XYLT1: variants seen among roughly 807,000 people sequenced by gnomAD.
The protein encoded by XYLT1 is beta-D-xylosyltransferase 1.
A neutral mutation model predicts 91.3 loss-of-function variants in XYLT1; 36 were observed. The observed-to-expected ratio is 0.39, with a 90% CI of 0.30 to 0.52. XYLT1 has a LOEUF of 0.52. XYLT1 is among the 20% of genes least tolerant of loss of function. The pLI is 0.68. For missense variants in XYLT1, 1,242 were observed against 1,284.5 expected (o/e 0.97, Z 0.51); for synonymous variants, 588 against 532.0 (o/e 1.11, Z -1.45).
intron 2 of XYLT1, chr16:17,355,393 C>T (rs909084456): frequency 6.6e-6 from 1 of 152,110 alleles, no homozygotes; most frequent in Non-Finnish European, 1.5e-5. Context: ...CATGGGTTTT[C>T]ATAAGTTTAA....
intron 5 of XYLT1, among the ~76,000 whole-genome samples, chr16:17,184,159 C>T (rs114310670): frequency 2.0e-3 from 291 of 147,342 alleles, no homozygotes; most frequent in African/African-American, 6.9e-3. Context: ...TCTTGGCCAC[C>T]GGAGAAAAAG....
At chr16:17,138,564 T>C in intron 7 of XYLT1, 33 bp from the exon 8 acceptor site, 3 of 1,599,078 alleles carry the variant, frequency 1.9e-6, no homozygotes, top group Non-Finnish European at 2.6e-6. Flanking sequence ...GCCTGAGACC[T>C]CTCCCAGCCT....
chr16:17,415,109 A>C (rs1172859024), intron 1 of XYLT1, among the ~76,000 whole-genome samples: 2 of 152,150 alleles, frequency 1.3e-5, no homozygotes, highest in African/African-American at 4.8e-5. Context: ...CAGAAGGGAA[A>C]ACTGAGGTTC....
chr16:17,192,495 A>C (rs2032336022), intron 5 of XYLT1, among the ~76,000 whole-genome samples: 1 of 152,222 alleles, frequency 6.6e-6, no homozygotes, highest in Admixed American at 6.5e-5. Flanking sequence ...GCCAGGTATA[A>C]TTCCTTGCCT....
intron 2 of XYLT1, among the ~76,000 whole-genome samples, chr16:17,276,230 TG>T (rs1324270956): frequency 6.6e-6 from 1 of 152,220 alleles, no homozygotes; most frequent in Admixed American, 6.5e-5. Context: ...CCCAACCTAC[TG>T]GGGACAGGGG....
chr16:17,292,081 T>TACACACACACACACACACAC (rs10568382), intron 2 of XYLT1, among the ~76,000 whole-genome samples: 149 of 149,076 alleles, frequency 1.0e-3, no homozygotes, highest in African/African-American at 3.6e-3. Flanking sequence ...CACTAAACCA[T>TACACACACACACACACACAC]ACACACACAC....
At chr16:17,442,224 G>C (rs2036540209) in intron 1 of XYLT1, among the ~76,000 whole-genome samples, 1 of 152,182 alleles carries the variant, frequency 6.6e-6, no homozygotes, top group African/African-American at 2.4e-5. Context: ...CATCATACTT[G>C]TATGAGCCAA....
chr16:17,429,559 C>T (rs1236634556), intron 1 of XYLT1, among the ~76,000 whole-genome samples: 2 of 152,128 alleles, frequency 1.3e-5, no homozygotes, highest in African/African-American at 2.4e-5. Flanking sequence ...CTTGATTGGG[C>T]CACGGGGTGC....
chr16:17,383,122 G>C (rs79405656), intron 1 of XYLT1, among the ~76,000 whole-genome samples: 10,774 of 151,772 alleles, frequency 0.071, 541 homozygotes, highest in African/African-American at 0.12. Context: ...GAGAGAGTGA[G>C]AAAGACACAG....
intron 3 of XYLT1, among the ~76,000 whole-genome samples, chr16:17,255,748 C>T (rs940637365): frequency 2.0e-5 from 3 of 152,068 alleles, no homozygotes; most frequent in African/African-American, 7.2e-5. Context: ...TGGCTCATGC[C>T]TGTAATCCCA....
At chr16:17,232,204 T>C (rs1284722259) in intron 3 of XYLT1, among the ~76,000 whole-genome samples, 2 of 139,834 alleles carry the variant, frequency 1.4e-5, no homozygotes, top group African/African-American at 5.3e-5. Context: ...AAATATATAA[T>C]ATATATTATA....
Position 17,333,608 on chromosome 16 carries a change from G to A in XYLT1, c.402+24404C>T, listed in dbSNP as rs574510689. On this transcript the variant is annotated intron_variant, in intron 2 of 11. Transcript: ENST00000261381. ...TTTAATTTATTTTTTTTTTTTTTGA[G>A]ATGAAGTCTCACTCTGCCGCCCAGG... Among the ~76,000 whole-genome samples, 4 of 127,190 alleles carry A rather than the reference G, an allele frequency of 3.1e-5. No individual in the cohort carries two copies. In the East Asian group the frequency reaches 6.3e-4, roughly 20 times the overall value. The allele number at this position is 127,190 out of a possible 152,430, so 83.4% of individuals were successfully genotyped here.
intron 1 of XYLT1, among the ~76,000 whole-genome samples, chr16:17,455,701 G>A (rs2036731556): frequency 6.6e-6 from 1 of 152,204 alleles, no homozygotes; most frequent in Admixed American, 6.5e-5. Context: ...TTTAAGGGAT[G>A]GTGCTACCAT....
intron 1 of XYLT1, among the ~76,000 whole-genome samples, chr16:17,421,557 C>T (rs1233854492): frequency 6.6e-6 from 1 of 152,160 alleles, no homozygotes; most frequent in African/African-American, 2.4e-5. Context: ...TGACACTACC[C>T]TGAGGCCATC....
intron 1 of XYLT1, among the ~76,000 whole-genome samples, chr16:17,426,939 C>T (rs1246651594): frequency 1.3e-5 from 2 of 152,086 alleles, no homozygotes; most frequent in African/African-American, 4.8e-5. Flanking sequence ...GGTAAAGCAT[C>T]CCAGATAGAA....
intron 3 of XYLT1, among the ~76,000 whole-genome samples, chr16:17,237,603 C>T (rs910029141): frequency 7.9e-5 from 12 of 152,204 alleles, no homozygotes; most frequent in African/African-American, 2.7e-4. Context: ...CTCTTCCTTC[C>T]TGAGAGACGC....
At chr16:17,330,128 C>T (rs2034872389) in intron 2 of XYLT1, among the ~76,000 whole-genome samples, 1 of 151,986 alleles carries the variant, frequency 6.6e-6, no homozygotes, top group African/African-American at 2.4e-5. Flanking sequence ...CACACACACA[C>T]ACACACACAG....
chr16:17,190,938 A>G (rs1277451953), intron 5 of XYLT1, among the ~76,000 whole-genome samples: 1 of 152,210 alleles, frequency 6.6e-6, no homozygotes, highest in Non-Finnish European at 1.5e-5. Flanking sequence ...GCCTCAGTTT[A>G]TTCATCTGAA....
At chr16:17,397,905 C>T (rs541754631) in intron 1 of XYLT1, among the ~76,000 whole-genome samples, 16 of 150,166 alleles carry the variant, frequency 1.1e-4, no homozygotes, top group Non-Finnish European at 2.2e-4. Context: ...TCACTGCAAC[C>T]TCTGCCTCCC....
Sources: gnomAD v4.1 joint callset for allele counts (sites outside exome capture counted in the v4.1 genomes callset) on GRCh38, gnomAD v4.1.1 for gene constraint, MANE v1.5 for transcripts, NCBI Gene and HGNC (gene_info 2026-07-23, HGNC 2026-07-21) for gene names.